The following CNTN4 variants were observed in gnomAD, a reference collection of about 807,000 sequenced individuals.
CNTN4 encodes contactin-4.
CNTN4 carries 77 observed loss-of-function variants against 122.5 expected under a neutral mutation model. That is an observed-to-expected ratio of 0.63 (90% CI 0.52 to 0.76). The LOEUF is 0.76. Ranked by LOEUF, CNTN4 falls within the 30% of genes least tolerant of loss-of-function variation. CNTN4 has a pLI of 0.00. For missense variants in CNTN4, 1,256 were observed against 1,259.1 expected, an observed-to-expected ratio of 1.00 and a Z score of 0.04; for synonymous variants, 512 against 447.0, an observed-to-expected ratio of 1.15 and a Z score of -1.83.
chr3:2,189,584 G>T (rs1418758856), intron 2 of CNTN4, among the ~76,000 whole-genome samples: 2 of 152,116 alleles, frequency 1.3e-5, no homozygotes, highest in Admixed American at 6.6e-5. Context: ...AGTCAGCCAA[G>T]GCCATATTCT....
At chr3:2,930,117 C>G (rs531165093) in intron 13 of CNTN4, among the ~76,000 whole-genome samples, 1 of 152,172 alleles carries the variant, frequency 6.6e-6, no homozygotes, top group African/African-American at 2.4e-5. Context: ...CCTCCCTTCC[C>G]TTTCTATACT....
chr3:2,662,812 G>T (rs1388304845), intron 4 of CNTN4, among the ~76,000 whole-genome samples: 1 of 152,184 alleles, frequency 6.6e-6, no homozygotes, highest in African/African-American at 2.4e-5. Flanking sequence ...AGACAGGATG[G>T]CTGGGAACAG....
chr3:2,756,862 T>C (rs1176171471), intron 6 of CNTN4, among the ~76,000 whole-genome samples: 1 of 152,180 alleles, frequency 6.6e-6, no homozygotes, highest in African/African-American at 2.4e-5. Flanking sequence ...CAACTTGATT[T>C]CGGGTATCTA....
At chr3:2,584,937 A>T (rs1192516375) in intron 4 of CNTN4, among the ~76,000 whole-genome samples, 2 of 152,052 alleles carry the variant, frequency 1.3e-5, no homozygotes, top group East Asian at 3.9e-4. Context: ...AGATAGATAG[A>T]TAGATAGACA....
At chr3:2,880,735 T>G (rs182456203) in intron 8 of CNTN4, among the ~76,000 whole-genome samples, 212 of 152,306 alleles carry the variant, frequency 1.4e-3, no homozygotes, top group African/African-American at 3.8e-3. Flanking sequence ...GTGAGAGGCC[T>G]TCGTAAGAGA....
chr3:2,919,284 G>A (rs4992238), intron 12 of CNTN4, among the ~76,000 whole-genome samples: 83,303 of 149,568 alleles, frequency 0.56, 23,183 homozygotes, highest in East Asian at 0.69. Context: ...CCCAGAAGGC[G>A]GAGGCTGCAG....
chr3:2,389,044 C>T (rs1434212374), intron 3 of CNTN4, among the ~76,000 whole-genome samples: 1 of 151,606 alleles, frequency 6.6e-6, no homozygotes, highest in Non-Finnish European at 1.5e-5. Flanking sequence ...GCCTGTAATC[C>T]CAGCTACTCC....
chr3:2,515,917 T>TATACAC lies in CNTN4; in HGVS notation c.-88-55498_-88-55497insTACACA, dbSNP rs201184186. 7.5e-3 allele frequency among the ~76,000 whole-genome samples: 1,146 copies of TATACAC among 152,134 alleles called. 15 individuals are homozygous for TATACAC. Among genetic ancestry groups the TATACAC allele is most frequent in the African/African-American group, 0.027 (1,103 of 41,500 alleles). On this transcript the variant is annotated intron_variant, in intron 3 of 24. Coordinates refer to ENST00000418658, the MANE Select transcript of CNTN4 (RefSeq NM_175607.3). ...TACTGTACAGTTGACTATATATATA[T>TATACAC]ACACACACACTTATAAATATTTTTT...
intron 3 of CNTN4, among the ~76,000 whole-genome samples, chr3:2,429,409 C>T (rs1193012819): frequency 2.0e-5 from 3 of 152,224 alleles, no homozygotes; most frequent in Non-Finnish European, 2.9e-5. Flanking sequence ...TACTGCAGAA[C>T]AGCAAATGTT....
intron 4 of CNTN4, among the ~76,000 whole-genome samples, chr3:2,702,423 T>A (rs985420001): frequency 6.6e-6 from 1 of 152,246 alleles, no homozygotes; most frequent in Non-Finnish European, 1.5e-5. Flanking sequence ...CATATTTTCA[T>A]TATAATATTA....
chr3:2,393,309 A>T (rs1195093283), intron 3 of CNTN4, among the ~76,000 whole-genome samples: 1 of 152,134 alleles, frequency 6.6e-6, no homozygotes, highest in Non-Finnish European at 1.5e-5. Context: ...CCCTATTTTT[A>T]AATAGGTCAC....
rs756986433 is a variant in CNTN4 at position 2,533,018 on chromosome 3, A to C, written c.-88-38398A>C. ...TTGCTTAGTCACCGCCCAAATCTCT[A>C]GATGTGAATCTTGTTTTCATTATTG... On this transcript the variant is annotated intron_variant, in intron 3 of 24. Coordinates refer to ENST00000418658, the MANE Select transcript of CNTN4 (RefSeq NM_175607.3). Among the ~76,000 whole-genome samples, 126 of 152,048 alleles carry C rather than the reference A, an allele frequency of 8.3e-4. 1 individual carries two copies. The highest frequency in any genetic ancestry group is 1.3e-4 in the Non-Finnish European group (9 of 68,018).
chr3:2,236,284 T>G (rs1158570994), intron 2 of CNTN4, among the ~76,000 whole-genome samples: 2 of 152,180 alleles, frequency 1.3e-5, no homozygotes, highest in African/African-American at 4.8e-5. Context: ...TGATTAGCAA[T>G]GAAACCACAG....
At chr3:2,682,554 G>T (rs1035510543) in intron 4 of CNTN4, among the ~76,000 whole-genome samples, 1 of 152,072 alleles carries the variant, frequency 6.6e-6, no homozygotes, top group Non-Finnish European at 1.5e-5. Flanking sequence ...TTAGAATTTG[G>T]ACATGCACTA....
intron 3 of CNTN4, among the ~76,000 whole-genome samples, chr3:2,343,358 C>T (rs75549677): frequency 0.072 from 10,976 of 152,172 alleles, 912 homozygotes; most frequent in East Asian, 0.49. Context: ...GCCAAGTCTT[C>T]ATGTGTAACT....
intron 2 of CNTN4, among the ~76,000 whole-genome samples, chr3:2,119,560 A>G (rs1180664732): frequency 6.6e-6 from 1 of 152,238 alleles, no homozygotes; most frequent in African/African-American, 2.4e-5. Context: ...GATGCCATAT[A>G]GAGTAAATGG....
Position 2,668,877 on chromosome 3 carries a change from A to G in CNTN4, c.56-67338A>G, listed in dbSNP as rs748908268. On this transcript the variant is annotated intron_variant, in intron 4 of 24. Transcript: ENST00000418658. ...GTGGTTTTTGTCGTTGGTTCTGTTT[A>G]TATGCTGGATTACGTTTATTGATTT... Among the ~76,000 whole-genome samples the G allele has an allele frequency of 7.2e-4, 109 of 152,270 alleles. 1 individual carries two copies. The highest frequency in any genetic ancestry group is 1.0e-3 in the Non-Finnish European group (70 of 68,026).
intron 14 of CNTN4, among the ~76,000 whole-genome samples, chr3:3,013,593 G>T (rs1057136254): frequency 2.0e-5 from 3 of 152,048 alleles, no homozygotes; most frequent in African/African-American, 7.2e-5. Flanking sequence ...TGCATGAAAA[G>T]TGCCCTCCGG....
chr3:2,279,926 A>G (rs947257416), intron 2 of CNTN4, among the ~76,000 whole-genome samples: 1 of 150,754 alleles, frequency 6.6e-6, no homozygotes, highest in East Asian at 1.9e-4. Flanking sequence ...AGCTATATAT[A>G]TTTAGATATA....
Sources: allele counts gnomAD v4.1 joint callset (sites outside exome capture counted in the v4.1 genomes callset), GRCh38; gene constraint gnomAD v4.1.1; transcripts MANE v1.5; gene names NCBI Gene and HGNC (gene_info 2026-07-23, HGNC 2026-07-21).